TMEM178B: variants seen among roughly 807,000 people sequenced by gnomAD.
The protein encoded by TMEM178B is transmembrane protein 178B.
A neutral mutation model predicts 31.0 loss-of-function variants in TMEM178B; 5 were observed. That is an observed-to-expected ratio of 0.16 (90% confidence interval 0.08 to 0.34). TMEM178B has a LOEUF of 0.34. TMEM178B is among the 10% of genes least tolerant of loss of function. The probability of loss-of-function intolerance (pLI) is 1.00; values close to 1 mark genes in which losing one functional copy is unlikely to be tolerated. For missense variants in TMEM178B, 275 were observed against 400.3 expected (o/e 0.69, Z 2.67); for synonymous variants, 164 against 164.0 (o/e 1.00, Z 0.00).
chr7:141,302,430 C>T (rs1360019226), intron 2 of TMEM178B, among the ~76,000 whole-genome samples: 2 of 152,098 alleles, frequency 1.3e-5, no homozygotes, highest in East Asian at 3.9e-4. Flanking sequence ...TTTGAGTAGT[C>T]ACTTATATAA....
At chr7:141,238,395 T>C (rs1393043139) in intron 2 of TMEM178B, among the ~76,000 whole-genome samples, 7 of 152,172 alleles carry the variant, frequency 4.6e-5, no homozygotes, top group Non-Finnish European at 1.0e-4. Context: ...TGGAAGATTG[T>C]TGTATATCCT....
chr7:141,410,696 AC>A (rs1166806679), intron 2 of TMEM178B, among the ~76,000 whole-genome samples: 1 of 152,064 alleles, frequency 6.6e-6, no homozygotes, highest in African/African-American at 2.4e-5. Flanking sequence ...CCAGGTCCTA[AC>A]CCAAACCTCC....
intron 2 of TMEM178B, chr7:141,352,783 T>C (rs1586908747): frequency 6.5e-6 from 1 of 152,908 alleles, no homozygotes; most frequent in Non-Finnish European, 1.5e-5. Flanking sequence ...GCTGTGTGGG[T>C]TCCCCCTGCG....
intron 1 of TMEM178B, among the ~76,000 whole-genome samples, chr7:141,206,672 T>C (rs1278266860): frequency 2.6e-5 from 4 of 152,196 alleles, no homozygotes; most frequent in African/African-American, 9.6e-5. Flanking sequence ...CCTCCAGGCC[T>C]TGGGGTCATA....
intron 2 of TMEM178B, among the ~76,000 whole-genome samples, chr7:141,371,512 G>A (rs1436266000): frequency 6.6e-6 from 1 of 152,172 alleles, no homozygotes; most frequent in Non-Finnish European, 1.5e-5. Flanking sequence ...GTATTCTCTT[G>A]TAGCAACACA....
intron 2 of TMEM178B, among the ~76,000 whole-genome samples, chr7:141,305,033 C>T (rs1393810082): frequency 6.6e-6 from 1 of 152,230 alleles, no homozygotes; most frequent in Non-Finnish European, 1.5e-5. Context: ...TCTATTTCCA[C>T]TCCACACTGT....
intron 1 of TMEM178B, among the ~76,000 whole-genome samples, chr7:141,196,885 C>T (rs1225713634): frequency 2.0e-5 from 3 of 152,044 alleles, no homozygotes; most frequent in Non-Finnish European, 4.4e-5. Context: ...GCTAGGGTTA[C>T]AGTGTAATGG....
At chr7:141,392,669 G>A (rs372852104) in intron 2 of TMEM178B, among the ~76,000 whole-genome samples, 61 of 152,058 alleles carry the variant, frequency 4.0e-4, no homozygotes, top group Middle Eastern at 3.4e-3. Context: ...TTTCCAAACC[G>A]GAATACAGTA....
intron 1 of TMEM178B, among the ~76,000 whole-genome samples, chr7:141,173,611 C>G (rs1796381536): frequency 6.6e-6 from 1 of 152,200 alleles, no homozygotes; most frequent in South Asian, 2.1e-4. Flanking sequence ...TGAATAATAA[C>G]TTATGCCTGG....
chr7:141,192,527 C>T (rs1271682847), intron 1 of TMEM178B, among the ~76,000 whole-genome samples: 1 of 151,342 alleles, frequency 6.6e-6, no homozygotes, highest in Non-Finnish European at 1.5e-5. Context: ...CTCACTCTGT[C>T]GCCCAGGCTG....
chr7:141,194,578 C>T (rs748818939), intron 1 of TMEM178B, among the ~76,000 whole-genome samples: 1 of 152,186 alleles, frequency 6.6e-6, no homozygotes, highest in Non-Finnish European at 1.5e-5. Context: ...AGCCTCCCCA[C>T]CAGCAGCTTT....
At chr7:141,484,220 T>A (rs1304021586), downstream of TMEM178B, among the ~76,000 whole-genome samples, 1 of 152,208 alleles carries the variant, frequency 6.6e-6, no homozygotes. This position sits in a 1 kb window ranked among gnomAD's most constrained non-coding sequence, Gnocchi z 4.8. Context: ...CAGCTATGTG[T>A]AATAAAATCA....
At chr7:141,489,013 G>A in the TMEM178B span, among the ~76,000 whole-genome samples, 1 of 151,984 alleles carries the variant, frequency 6.6e-6, no homozygotes, top group Non-Finnish European at 1.5e-5. Flanking sequence ...GAAGTAGGGG[G>A]CATCTGCAAT....
chr7:141,348,305 G>A lies in TMEM178B; in HGVS notation c.497-89303G>A, dbSNP rs564595130. On this transcript the variant is annotated intron_variant, in intron 2 of 3. Transcript: ENST00000565468. ...AATTGTGTGACAGTTTTCTAAACTCGCCATTGCAGAAGCTATGTAATGCAT... is the reference window on the plus strand; with the variant it reads ...AATTGTGTGACAGTTTTCTAAACTCACCATTGCAGAAGCTATGTAATGCAT... Among the ~76,000 whole-genome samples the A allele has an allele frequency of 7.9e-5, 12 of 152,278 alleles. No homozygotes were observed. The South Asian group carries it at 1.0e-3, about 13-fold the overall frequency.
intron 2 of TMEM178B, among the ~76,000 whole-genome samples, chr7:141,239,457 C>A (rs1222949679): frequency 6.6e-6 from 1 of 152,166 alleles, no homozygotes. Flanking sequence ...GTACCCTCCA[C>A]TGACCCAATT....
At chr7:141,116,807 G>A (rs1795326782) in intron 1 of TMEM178B, among the ~76,000 whole-genome samples, 1 of 152,088 alleles carries the variant, frequency 6.6e-6, no homozygotes, top group African/African-American at 2.4e-5. Context: ...GAGAATGATG[G>A]TTTCCAGCTT....
intron 1 of TMEM178B, among the ~76,000 whole-genome samples, chr7:141,132,909 A>G (rs1795616464): frequency 6.6e-6 from 1 of 152,178 alleles, no homozygotes; most frequent in African/African-American, 2.4e-5. Flanking sequence ...TCTCCCACAG[A>G]GCCTTGCCGT....
At chr7:141,312,051 C>T (rs1798918915) in intron 2 of TMEM178B, among the ~76,000 whole-genome samples, 1 of 152,232 alleles carries the variant, frequency 6.6e-6, no homozygotes, top group Non-Finnish European at 1.5e-5. Flanking sequence ...AGGTGGGGCC[C>T]TGTGGCCTCT....
intron 2 of TMEM178B, among the ~76,000 whole-genome samples, chr7:141,289,725 AAAAAAAG>A (rs1195143858): frequency 8.6e-5 from 13 of 151,430 alleles, no homozygotes; most frequent in Non-Finnish European, 1.8e-4. Context: ...AAAAAAAAAA[AAAAAAAG>A]AAAAAAGAAA....
Sources: allele counts gnomAD v4.1 joint callset (sites outside exome capture counted in the v4.1 genomes callset), GRCh38; gene constraint gnomAD v4.1.1; non-coding constraint Gnocchi (gnomAD v3.1); transcripts MANE v1.5; gene names NCBI Gene and HGNC (gene_info 2026-07-23, HGNC 2026-07-21).